Variants in AP5Z1 observed in about 807,000 individuals in gnomAD.
The protein encoded by AP5Z1 is adaptor related protein complex 5 subunit zeta 1.
AP5Z1 carries 106 observed loss-of-function variants against 83.0 expected under a neutral mutation model. The ratio of observed to expected loss-of-function variants is 1.28; its 90% CI spans 1.09 to 1.50. The LOEUF (loss-of-function observed/expected upper bound fraction) is 1.50. Among genes scored for constraint, AP5Z1 ranks in the 40% most tolerant of loss-of-function variants. AP5Z1 has a pLI of 0.00. For synonymous variants in AP5Z1, 751 were observed against 514.1 expected, an observed-to-expected ratio of 1.46 and a Z score of -6.23; for missense variants, 1,565 against 1,094.2, an observed-to-expected ratio of 1.43 and a Z score of -6.07.
chr7:4,790,130 CTTCT>C lies in AP5Z1; in HGVS notation c.1805+206_1805+209del, dbSNP rs1459677605. 3.5e-6 allele frequency: 5 copies of C among 1,431,580 alleles called. No individual in the cohort carries two copies. The East Asian group carries it at 1.3e-4, about 36-fold the overall frequency. The allele number at this position is 1,431,580 out of a possible 1,614,324, so 88.7% of individuals were successfully genotyped here. ...TCTGCTTCTCAAGAACATTCCCGTC[CTTCT>C]TTCTGCCGAGCCTGTCCTCTTCAGG... On this transcript the variant is annotated intron_variant, in intron 14 of 16. Transcript: ENST00000649063.
In AP5Z1 at chr7:4,792,111, C is replaced by G. The variant is rs1186421274; in HGVS notation, c.*726C>G. 1 of 152,320 alleles carries G rather than the reference C, an allele frequency of 6.6e-6. No individual in the cohort carries two copies. Among genetic ancestry groups the G allele is most frequent in the African/African-American group, 2.4e-5 (1 of 41,456 alleles). 9.4% of individuals were successfully genotyped at this position (152,320 alleles called of 1,614,324 possible). The stretch of plus-strand genomic sequence containing the variant: ...AGCCACCTGAGTGGAGCTCAGAACA[C>G]TGGATTCGCGCGAAGGGGAGGTGTC... On this transcript the variant is annotated 3_prime_UTR_variant, in exon 17 of 17. Transcript: ENST00000649063.
In AP5Z1 at chr7:4,791,099, G is replaced by T. The variant is rs1562415433; in HGVS notation, c.2154-16G>T. ...GGGGAGCATCTGCAGCTGACGGAGG[G>T]ACCTTCTTTCCCCAGGGCCTCTTTA... On this transcript the variant is annotated splice_polypyrimidine_tract_variant and intron_variant, in intron 16 of 16. Transcript: ENST00000649063. 3 of 1,563,852 alleles carry T rather than the reference G, an allele frequency of 1.9e-6. No homozygotes were observed. The highest frequency in any genetic ancestry group is 1.8e-5 in the Admixed American group (1 of 55,778).
intron 1 of AP5Z1, among the ~76,000 whole-genome samples, chr7:4,776,036 C>T (rs1781215951): frequency 6.6e-6 from 1 of 152,134 alleles, no homozygotes; most frequent in Non-Finnish European, 1.5e-5. Context: ...TAGTCAAAGG[C>T]TTGGCGGTGA....
Position 4,784,997 on chromosome 7 carries a change from C to T in AP5Z1, c.880C>T (p.Arg294Trp), listed in dbSNP as rs1196396832. 59 of 1,611,398 alleles carry T rather than the reference C, an allele frequency of 3.7e-5. No homozygotes were observed. The highest frequency in any genetic ancestry group is 4.7e-5 in the Non-Finnish European group (56 of 1,179,270). The part of the protein sequence containing the change: ...GRLLPPRERL[R>W]EVAFEYCQRL... The stretch of plus-strand genomic sequence containing the variant: ...CCTGCTGCCGCCCCGGGAGCGGCTT[C>T]GGGAGGTGGCCTTCGAGTACTGCCA... Residue 294 changes from arginine (R) to tryptophan (W), a missense_variant, in exon 7 of 17, where the codon CGG becomes TGG. By Grantham distance (101) the Arg-to-Trp change is moderately radical. Coordinates refer to ENST00000649063, the MANE Select transcript of AP5Z1 (RefSeq NM_014855.3).
chr7:4,790,109 C>G, intron 14 of AP5Z1, 180 bp downstream of exon 14: 1 of 1,374,420 alleles, frequency 7.3e-7, no homozygotes, highest in Non-Finnish European at 9.6e-7. Context: ...CTTCTCTCTG[C>G]TTCTCAAGAA....
At chr7:4,780,843 A>G (rs1781361955) in intron 1 of AP5Z1, among the ~76,000 whole-genome samples, 1 of 152,188 alleles carries the variant, frequency 6.6e-6, no homozygotes, top group African/African-American at 2.4e-5. Context: ...ACCTTATTCT[A>G]GAGTAAATTT....
intron 13 of AP5Z1, 77 bp from the exon 14 acceptor site, chr7:4,789,747 CCCAGCCCT>C: frequency 2.0e-5 from 21 of 1,064,054 alleles, no homozygotes; most frequent in Non-Finnish European, 2.9e-5. Context: ...TCACCTGCCC[CCCAGCCCT>C]CACCATGGCT....
At position 4,791,276 on chromosome 7, in the gene AP5Z1, C is replaced by A; in HGVS notation, c.2315C>A (p.Thr772Lys). The A allele has an allele frequency of 3.1e-6, 5 of 1,612,666 alleles. No homozygotes were observed. In the South Asian group the frequency reaches 4.4e-5, roughly 14 times the overall value. Residue 772 changes from threonine (T) to lysine (K), a missense_variant, in exon 17 of 17, where the codon ACG becomes AAG. Physicochemically the swap from Thr to Lys is moderately conservative, Grantham distance 78. Transcript: ENST00000649063. ...SVAQFVLTPS[T>K]EVCSPRYHRD... ...GCCCAGTTTGTGCTCACACCCAGCA[C>A]GGAGGTGTGCAGCCCCCGCTATCAC... is the stretch of plus-strand genomic sequence containing the variant.
intron 12 of AP5Z1, 81 bp downstream of exon 12, chr7:4,788,375 C>T (rs1583237617): frequency 6.9e-7 from 1 of 1,445,296 alleles, no homozygotes. Flanking sequence ...CACTGCTCAG[C>T]CCTAGGCTGA....
rs370728528 is a variant in AP5Z1, at chr7:4,784,283, C to A, written c.702C>A (p.Asp234Glu). ...TCTCCAGCGGCCACCGCTTCACAGA[C>A]GACCAGTGGCTGAACGTGCAGGCCT... ...TVLSSGHRFT[D>E]DQWLNVQAFS... The change falls in exon 6 of 17, where the codon GAC (aspartate) becomes GAA (glutamate). Residue 234 changes from aspartate to glutamate, a missense_variant. Asp to Glu is a conservative substitution (Grantham distance 45). Coordinates refer to ENST00000649063, the MANE Select transcript of AP5Z1 (RefSeq NM_014855.3). The A allele has an allele frequency of 1.2e-6, 2 of 1,602,250 alleles. No homozygotes were observed. The highest frequency in any genetic ancestry group is 1.7e-6 in the Non-Finnish European group (2 of 1,175,440).
Position 4,791,288 on chromosome 7 carries a change from G to T in AP5Z1, c.2327G>T (p.Ser776Ile), listed in dbSNP as rs1170460797. ...FVLTPSTEVC[S>I]PRYHRDANTA... ...CTCACACCCAGCACGGAGGTGTGCAGCCCCCGCTATCACCGCGATGCCAAC... is the reference window on the plus strand; with the variant it reads ...CTCACACCCAGCACGGAGGTGTGCATCCCCCGCTATCACCGCGATGCCAAC... The change falls in exon 17 of 17, where the codon AGC becomes ATC. Residue 776 changes from serine to isoleucine, a missense_variant. Ser to Ile is a moderately radical substitution (Grantham distance 142, BLOSUM62 -2). Coordinates refer to ENST00000649063, the MANE Select transcript of AP5Z1 (RefSeq NM_014855.3). 6.2e-7 allele frequency: 1 copy of T among 1,612,574 alleles called. No individual in the cohort carries two copies. The highest frequency in any genetic ancestry group is 1.1e-5 in the South Asian group (1 of 91,048).
chr7:4,784,492 C>T lies in AP5Z1; in HGVS notation c.790+121C>T, dbSNP rs1301756856. ...GGTGTGCCCAGGATGCAGCAGAGGT[C>T]AGGACTGAGCAACGCAGCCTGCTGA... On this transcript the variant is annotated intron_variant, in intron 6 of 16. Transcript: ENST00000649063. 9.1e-6 allele frequency: 11 copies of T among 1,211,374 alleles called. No homozygotes were observed. In the East Asian group the frequency reaches 2.8e-4, roughly 31 times the overall value. 75.0% of individuals were successfully genotyped at this position (1,211,374 alleles called of 1,614,324 possible).
Position 4,791,134 on chromosome 7 carries a change from A to G in AP5Z1, c.2173A>G (p.Lys725Glu). ...LIPRASLLLS[K>E]MRTLAHSPAT... ...CCCCAGGGCCTCTTTATTGCTGTCA[A>G]AGATGAGGACCCTGGCTCACAGTCC... Residue 725 changes from lysine (K) to glutamate (E), a missense_variant, in exon 17 of 17, where the codon AAG becomes GAG. Coordinates refer to ENST00000649063, the MANE Select transcript of AP5Z1 (RefSeq NM_014855.3). 6.2e-7 allele frequency: 1 copy of G among 1,603,678 alleles called. No individual in the cohort carries two copies. Among genetic ancestry groups the G allele is most frequent in the South Asian group, 1.1e-5 (1 of 90,070 alleles).
chr7:4,790,522 A>C lies in AP5Z1; in HGVS notation c.1869A>C (p.Ala623=), dbSNP rs539380886. ...TLKPSLVVEL[A]RDLLEFLGSV... ...AACCCTCCCTGGTGGTGGAGCTGGC[A>C]AGAGACCTGCTGGAGTTCCTGGGCA... Residue 623 remains alanine, a synonymous_variant, in exon 15 of 17, where the codon GCA becomes GCC. Transcript: ENST00000649063. 6.2e-6 allele frequency: 10 copies of C among 1,613,138 alleles called. No homozygotes were observed. The East Asian group carries it at 2.2e-4, about 36-fold the overall frequency.
At chr7:4,786,484 C>A in intron 10 of AP5Z1, 56 bp downstream of exon 10, 1 of 1,591,958 alleles carries the variant, frequency 6.3e-7, no homozygotes, top group Non-Finnish European at 8.6e-7. Flanking sequence ...CCCTGGGGCT[C>A]CTCCCCTCTT....
intron 10 of AP5Z1, among the ~76,000 whole-genome samples, chr7:4,787,161 A>G (rs1055969101): frequency 5.3e-5 from 8 of 152,116 alleles, no homozygotes; most frequent in African/African-American, 1.9e-4. Context: ...TTCTGGAGAA[A>G]AACCAGGACA....
At chr7:4,788,753 G>A in intron 12 of AP5Z1, 87 bp from the exon 13 acceptor site, 3 of 1,193,292 alleles carry the variant, frequency 2.5e-6, no homozygotes, top group Non-Finnish European at 3.5e-6. Flanking sequence ...GCTCAGCTGT[G>A]CGAGAGGGAG....
chr7:4,789,807 C>A, intron 13 of AP5Z1, 25 bp from the exon 14 acceptor site: 1 of 1,543,208 alleles, frequency 6.5e-7, no homozygotes, highest in Non-Finnish European at 8.8e-7. Context: ...TGGGGCTGAG[C>A]CTGTTTCCCA....
Position 4,784,466 on chromosome 7 carries a change from G to A in AP5Z1, c.790+95G>A, listed in dbSNP as rs972420803. On this transcript the variant is annotated intron_variant, in intron 6 of 16. Coordinates refer to ENST00000649063, the MANE Select transcript of AP5Z1 (RefSeq NM_014855.3). ...GACACGGGCGGAGGTGGGGGGACTC[G>A]GGTGTGCCCAGGATGCAGCAGAGGT... is the stretch of plus-strand genomic sequence containing the variant. 4.2e-5 allele frequency: 60 copies of A among 1,415,436 alleles called. 3 individuals are homozygous for A. Among genetic ancestry groups the A allele is most frequent in the South Asian group, 2.3e-4 (17 of 72,976 alleles). 87.7% of individuals were successfully genotyped at this position (1,415,436 alleles called of 1,614,324 possible). A position where few individuals can be genotyped will look rare whatever the true frequency, so the allele number is the denominator to read the frequency against.
Sources: allele counts gnomAD v4.1 joint callset (sites outside exome capture counted in the v4.1 genomes callset), GRCh38; gene constraint gnomAD v4.1.1; transcripts MANE v1.5; gene names NCBI Gene and HGNC (gene_info 2026-07-23, HGNC 2026-07-21).